ABHD3: variants seen among roughly 807,000 people sequenced by gnomAD.
ABHD3 encodes abhydrolase domain containing 3, phospholipase.
Under a neutral mutation model 48.8 loss-of-function variants are expected in ABHD3, and 46 were observed. The observed-to-expected ratio is 0.94, with a 90% CI of 0.74 to 1.20. The LOEUF is 1.20. ABHD3 is among the 50% of genes most tolerant of loss of function. The pLI, the probability that ABHD3 is intolerant of heterozygous loss-of-function variation, is 0.00. For missense variants in ABHD3, 490 were observed against 497.8 expected, an observed-to-expected ratio of 0.98 and a Z score of 0.15; for synonymous variants, 192 against 183.7, an observed-to-expected ratio of 1.04 and a Z score of -0.36.
intron 4 of ABHD3, among the ~76,000 whole-genome samples, chr18:21,670,618 T>C (rs1165109186): frequency 6.6e-6 from 1 of 152,182 alleles, no homozygotes; most frequent in Non-Finnish European, 1.5e-5. Context: ...GGGATACTGT[T>C]CTCTTGCCTG....
intron 4 of ABHD3, among the ~76,000 whole-genome samples, chr18:21,672,453 T>G (rs2039777606): frequency 6.6e-6 from 1 of 152,246 alleles, no homozygotes; most frequent in African/African-American, 2.4e-5. Context: ...CATTTACGTT[T>G]CATATTAACT....
intron 4 of ABHD3, 77 bp downstream of exon 4, chr18:21,683,843 A>G (rs981336227): frequency 7.3e-7 from 1 of 1,375,980 alleles, no homozygotes; most frequent in Non-Finnish European, 9.8e-7. Flanking sequence ...TTTTAAATAA[A>G]AAGAATATGC....
At chr18:21,676,628 T>C (rs1012762675) in intron 4 of ABHD3, among the ~76,000 whole-genome samples, 1 of 152,228 alleles carries the variant, frequency 6.6e-6, no homozygotes, top group Non-Finnish European at 1.5e-5. Flanking sequence ...TGGCCTCAAG[T>C]GATCCACCCG....
At chr18:21,692,095 G>A (rs551161358) in intron 3 of ABHD3, among the ~76,000 whole-genome samples, 23 of 152,184 alleles carry the variant, frequency 1.5e-4, no homozygotes, top group African/African-American at 3.6e-4. Flanking sequence ...GATTACAGGC[G>A]TCCACCACCA....
chr18:21,668,722 G>T (rs1002779212), intron 4 of ABHD3, among the ~76,000 whole-genome samples: 73 of 152,046 alleles, frequency 4.8e-4, no homozygotes, highest in African/African-American at 1.7e-3. Context: ...TCAGATATAG[G>T]GGCTGATTTT....
intron 3 of ABHD3, chr18:21,701,372 C>T (rs1402905819): frequency 1.3e-5 from 2 of 152,144 alleles, no homozygotes; most frequent in African/African-American, 4.8e-5. Context: ...TGCCACCATG[C>T]CCTGCTAATT....
intron 3 of ABHD3, among the ~76,000 whole-genome samples, chr18:21,695,589 T>G (rs778774017): frequency 6.6e-6 from 1 of 152,212 alleles, no homozygotes; most frequent in Non-Finnish European, 1.5e-5. Flanking sequence ...TTACTTTTAT[T>G]TTTGCCATTA....
intron 3 of ABHD3, among the ~76,000 whole-genome samples, chr18:21,690,824 G>A (rs1422731754): frequency 2.6e-5 from 4 of 151,310 alleles, no homozygotes; most frequent in East Asian, 2.0e-4. Flanking sequence ...GTGAAACCCC[G>A]TCTCTACTAA....
At chr18:21,666,438 C>G (rs993087230) in intron 4 of ABHD3, among the ~76,000 whole-genome samples, 7 of 152,082 alleles carry the variant, frequency 4.6e-5, no homozygotes, top group Admixed American at 1.3e-4. Context: ...ATGATCTGCC[C>G]GCCTTGGCCT....
chr18:21,676,327 C>A (rs2039881091), intron 4 of ABHD3, among the ~76,000 whole-genome samples: 1 of 152,214 alleles, frequency 6.6e-6, no homozygotes. Flanking sequence ...AGCCATTTCA[C>A]AATGTATACA....
chr18:21,668,173 C>T (rs573547628), intron 4 of ABHD3, among the ~76,000 whole-genome samples: 8 of 118,242 alleles, frequency 6.8e-5, no homozygotes, highest in Non-Finnish European at 1.3e-4. Flanking sequence ...TGCACTCCAC[C>T]CTGGGCAACA....
chr18:21,689,346 C>T (rs912959701), intron 3 of ABHD3, among the ~76,000 whole-genome samples: 8 of 151,798 alleles, frequency 5.3e-5, no homozygotes, highest in East Asian at 1.9e-4. Flanking sequence ...GTCAGGAGTT[C>T]GAGACCAGCC....
At position 21,651,490 on chromosome 18, in the gene ABHD3, G is replaced by A; in HGVS notation, c.*101C>T. ...TCATTCTGGACCTCTTCACCCATCT[G>A]CTGGCTTATTTGCTTTATATACAAC... is the stretch of plus-strand genomic sequence containing the variant. On this transcript the variant is annotated 3_prime_UTR_variant, in exon 9 of 9. Coordinates refer to ENST00000289119, the MANE Select transcript of ABHD3 (RefSeq NM_138340.5). The A allele has an allele frequency of 1.4e-6, 2 of 1,379,842 alleles. No individual in the cohort carries two copies. Among genetic ancestry groups the A allele is most frequent in the East Asian group, 2.4e-5 (1 of 40,944 alleles). 85.5% of individuals were successfully genotyped at this position (1,379,842 alleles called of 1,614,324 possible). A position where few individuals can be genotyped will look rare whatever the true frequency, so the allele number is the denominator to read the frequency against.
At chr18:21,691,952 C>T (rs540528662) in intron 3 of ABHD3, among the ~76,000 whole-genome samples, 1 of 152,224 alleles carries the variant, frequency 6.6e-6, no homozygotes, top group Admixed American at 6.5e-5. Flanking sequence ...CCTGTACATT[C>T]CAATCTTTTC....
At chr18:21,680,852 A>ATGTGTGTG (rs537497306) in intron 4 of ABHD3, among the ~76,000 whole-genome samples, 8 of 108,484 alleles carry the variant, frequency 7.4e-5, no homozygotes, top group African/African-American at 1.2e-4. Flanking sequence ...TCTTTTTCAA[A>ATGTGTGTG]TGTGTGTGTG....
chr18:21,659,373 G>T, intron 5 of ABHD3, 30 bp from the exon 6 acceptor site: 1 of 1,587,486 alleles, frequency 6.3e-7, no homozygotes, highest in South Asian at 1.1e-5. Flanking sequence ...GAAACTCAGT[G>T]ATTAATTTGT....
intron 3 of ABHD3, among the ~76,000 whole-genome samples, chr18:21,685,155 T>C (rs1048081901): frequency 6.6e-6 from 1 of 152,256 alleles, no homozygotes; most frequent in Non-Finnish European, 1.5e-5. Context: ...AGTGAGTCTA[T>C]ATTCATAACA....
chr18:21,678,996 C>T (rs2039949704), intron 4 of ABHD3, among the ~76,000 whole-genome samples: 1 of 152,196 alleles, frequency 6.6e-6, no homozygotes, highest in Admixed American at 6.5e-5. Flanking sequence ...AAGTATATCT[C>T]TAACATTGCC....
chr18:21,684,061 T>A (rs1304931953), intron 3 of ABHD3, 96 bp from the exon 4 acceptor site: 1 of 1,057,288 alleles, frequency 9.5e-7, no homozygotes, highest in East Asian at 2.6e-5. Context: ...TTTAGAGCAC[T>A]AAAAGATTTT....
Sources: gnomAD v4.1 joint callset for allele counts (sites outside exome capture counted in the v4.1 genomes callset) on GRCh38, gnomAD v4.1.1 for gene constraint, MANE v1.5 for transcripts, NCBI Gene and HGNC (gene_info 2026-07-23, HGNC 2026-07-21) for gene names.